The following DCAF1 variants were observed in gnomAD, a reference collection of about 807,000 sequenced individuals.
The protein encoded by DCAF1 is DDB1- and CUL4-associated factor 1.
A neutral mutation model predicts 128.0 loss-of-function variants in DCAF1; 15 were observed. The ratio of observed to expected loss-of-function variants is 0.12; its 90% CI spans 0.08 to 0.18. The LOEUF (loss-of-function observed/expected upper bound fraction) is 0.18. DCAF1 is among the 10% of genes least tolerant of loss of function. DCAF1 has a pLI of 1.00. For missense variants in DCAF1, 988 were observed against 1,649.5 expected, an observed-to-expected ratio of 0.60 and a Z score of 6.95; for synonymous variants, 610 against 603.0, an observed-to-expected ratio of 1.01 and a Z score of -0.17.
intron 3 of DCAF1, among the ~76,000 whole-genome samples, chr3:51,474,587 G>GT (rs1301956515): frequency 1.4e-5 from 2 of 147,656 alleles, no homozygotes; most frequent in Admixed American, 6.8e-5. Context: ...ATGTGTACTT[G>GT]TTTTTTTTGT....
intron 2 of DCAF1, among the ~76,000 whole-genome samples, chr3:51,489,568 C>A (rs1707375326): frequency 1.3e-5 from 2 of 151,972 alleles, no homozygotes; most frequent in African/African-American, 4.8e-5. Flanking sequence ...GCGGGTGGAT[C>A]AAGAGGTCAG....
At chr3:51,492,113 T>C (rs939001241) in intron 2 of DCAF1, among the ~76,000 whole-genome samples, 2 of 147,956 alleles carry the variant, frequency 1.4e-5, no homozygotes, top group Non-Finnish European at 1.5e-5. Flanking sequence ...GAGCCGAGAC[T>C]GCACCACTGC....
intron 2 of DCAF1, among the ~76,000 whole-genome samples, chr3:51,492,825 T>G (rs1004995713): frequency 1.3e-5 from 2 of 151,394 alleles, no homozygotes; most frequent in Middle Eastern, 3.2e-3. Flanking sequence ...AAACCCCATC[T>G]CTACTAAAAA....
In DCAF1 at chr3:51,446,963, AAATAATAATAAT is replaced by A. The variant is rs59908556; in HGVS notation, c.376-3072_376-3061del. On this transcript the variant is annotated intron_variant, in intron 6 of 24. Transcript: ENST00000684031. ...CAACAAGAACAAAACTTTGTCTCAA[AAATAATAATAAT>A]AATAATAATAATAATAATAATAATA... Among the ~76,000 whole-genome samples the A allele has an allele frequency of 1.2e-4, 17 of 136,968 alleles. 1 individual carries two copies. Among genetic ancestry groups the A allele is most frequent in the Admixed American group, 3.0e-4 (4 of 13,368 alleles). 89.9% of individuals were successfully genotyped at this position (136,968 alleles called of 152,430 possible). A position where few individuals can be genotyped will look rare whatever the true frequency, so the allele number is the denominator to read the frequency against.
In DCAF1 at chr3:51,479,797, A is replaced by AAAAAT. The variant is rs1180091386; in HGVS notation, c.110+3917_110+3921dup. On this transcript the variant is annotated intron_variant, in intron 3 of 24. Transcript: ENST00000684031. ...GGCAACAGAGCGAGACTCCGTCTCA[A>AAAAAT]AAAATAAAATAAAATAAAATAAAAT... Among the ~76,000 whole-genome samples, 22 of 152,266 alleles carry AAAAAT rather than the reference A, an allele frequency of 1.4e-4. No homozygotes were observed. In the South Asian group the frequency reaches 2.7e-3, roughly 19 times the overall value.
At chr3:51,399,745 A>T (rs1271069578) in intron 24 of DCAF1, among the ~76,000 whole-genome samples, 1 of 152,172 alleles carries the variant, frequency 6.6e-6, no homozygotes, top group Non-Finnish European at 1.5e-5. Flanking sequence ...CTCAGTGCCC[A>T]ATTTGATTAC....
intron 3 of DCAF1, among the ~76,000 whole-genome samples, chr3:51,478,223 T>C (rs949110521): frequency 9.2e-5 from 14 of 152,154 alleles, no homozygotes; most frequent in Non-Finnish European, 1.8e-4. Flanking sequence ...CAGGCTGGTT[T>C]TGAGCTCCTG....
At chr3:51,399,886 A>G (rs2089523069) in intron 24 of DCAF1, among the ~76,000 whole-genome samples, 1 of 152,148 alleles carries the variant, frequency 6.6e-6, no homozygotes, top group Non-Finnish European at 1.5e-5. Context: ...GGCAGCCACT[A>G]GATGCAAAGA....
rs1700071211 is a variant in DCAF1 at position 51,428,264 on chromosome 3, C to A, written c.1678-723G>T. On this transcript the variant is annotated intron_variant, in intron 12 of 24. Coordinates refer to ENST00000684031, the MANE Select transcript of DCAF1 (RefSeq NM_001387579.1). ...TAGCCCGATCACGTGCGGCCTCAAACCCCCAGACTCGAGTGACTCTCCCAT... is the reference window on the plus strand; with the variant it reads ...TAGCCCGATCACGTGCGGCCTCAAAACCCCAGACTCGAGTGACTCTCCCAT... 2.6e-5 allele frequency among the ~76,000 whole-genome samples: 4 copies of A among 151,722 alleles called. No homozygotes were observed. The South Asian group carries it at 8.3e-4, about 32-fold the overall frequency.
At chr3:51,473,208 G>A (rs1210756090) in intron 3 of DCAF1, among the ~76,000 whole-genome samples, 2 of 149,934 alleles carry the variant, frequency 1.3e-5, no homozygotes, top group Admixed American at 6.6e-5. Flanking sequence ...CCCAGGAGGC[G>A]GAGGTTGTAC....
At chr3:51,482,430 C>A (rs1458852472) in intron 3 of DCAF1, among the ~76,000 whole-genome samples, 3 of 150,386 alleles carry the variant, frequency 2.0e-5, no homozygotes, top group Non-Finnish European at 4.4e-5. Flanking sequence ...CAGAGTGAGA[C>A]CCTGTCTCCA....
At chr3:51,401,021 A>T (rs1318899411) in intron 24 of DCAF1, among the ~76,000 whole-genome samples, 1 of 151,098 alleles carries the variant, frequency 6.6e-6, no homozygotes, top group African/African-American at 2.4e-5. Context: ...AGTCCCAGCT[A>T]CTCAGGAGGC....
At position 51,416,770 on chromosome 3, in the gene DCAF1, G is replaced by A; in HGVS notation, c.3603+17C>T. On this transcript the variant is annotated intron_variant, in intron 18 of 24. Coordinates refer to ENST00000684031, the MANE Select transcript of DCAF1 (RefSeq NM_001387579.1). ...TGGGTATGATCAGCTTGAAAACAGT[G>A]GTTCTTAAGTACTTACGTGGGCAAT... 6.2e-7 allele frequency: 1 copy of A among 1,601,838 alleles called. No individual in the cohort carries two copies.
intron 9 of DCAF1, among the ~76,000 whole-genome samples, chr3:51,440,565 T>C (rs1358046641): frequency 1.3e-5 from 2 of 152,158 alleles, no homozygotes; most frequent in African/African-American, 4.8e-5. Flanking sequence ...ATCACCCCAT[T>C]GCACTCCAGC....
chr3:51,422,315 G>C lies in DCAF1; in HGVS notation c.1964C>G (p.Ser655Cys). The C allele has an allele frequency of 1.3e-6, 1 of 765,856 alleles. No individual in the cohort carries two copies. Among genetic ancestry groups the C allele is most frequent in the Non-Finnish European group, 2.4e-6 (1 of 410,934 alleles). The allele number at this position is 765,856 out of a possible 1,614,324, so 47.4% of individuals were successfully genotyped here. The stretch of plus-strand genomic sequence containing the variant: ...GGCAAAGTACAACCTACCTACAGTA[G>C]AGACTGTAGATCCAGCCTCATCCAA... ...DVLDEAGSTV[S>C]TVGISIILGV... Residue 655 changes from serine to cysteine, a missense_variant, in exon 14 of 25, where the codon TCT (serine) becomes TGT (cysteine). This residue lies in a region of DCAF1 where 185 missense variants were observed against 248.1 expected (regional missense o/e 0.75). Transcript: ENST00000684031.
intron 15 of DCAF1, 123 bp from the exon 16 acceptor site, chr3:51,418,999 A>T: frequency 7.3e-7 from 1 of 1,363,318 alleles, no homozygotes; most frequent in African/African-American, 1.5e-5. Flanking sequence ...CCAAAATCAC[A>T]GTGACCTTCA....
chr3:51,479,549 G>A (rs1382372292), intron 3 of DCAF1, among the ~76,000 whole-genome samples: 2 of 152,108 alleles, frequency 1.3e-5, no homozygotes, highest in African/African-American at 2.4e-5. Flanking sequence ...AGCACTTTGG[G>A]AGGCCGAGGT....
At chr3:51,477,374 C>A (rs1577277798) in intron 3 of DCAF1, among the ~76,000 whole-genome samples, 2 of 150,820 alleles carry the variant, frequency 1.3e-5, no homozygotes, top group African/African-American at 2.4e-5. Flanking sequence ...GTAAAGAGAC[C>A]CACAATTTGG....
At chr3:51,406,168 C>T (rs1319513623) in intron 23 of DCAF1, among the ~76,000 whole-genome samples, 1 of 151,576 alleles carries the variant, frequency 6.6e-6, no homozygotes, top group East Asian at 1.9e-4. Context: ...ACAGTGAAAC[C>T]CCGTCTCTAT....
Sources: allele counts gnomAD v4.1 joint callset (sites outside exome capture counted in the v4.1 genomes callset), GRCh38; gene constraint gnomAD v4.1.1; regional missense constraint gnomAD v4.1.1; transcripts MANE v1.5; gene names NCBI Gene and HGNC (gene_info 2026-07-23, HGNC 2026-07-21).